The following LUZP2 variants were observed in gnomAD, a reference collection of about 807,000 sequenced individuals.
LUZP2 encodes leucine zipper protein 2.
In LUZP2, 52 loss-of-function variants were observed where a neutral mutation model predicts 51.6. The ratio of observed to expected loss-of-function variants is 1.01; its 90% CI spans 0.81 to 1.27. The LOEUF is 1.27. Among genes scored for constraint, LUZP2 ranks in the 50% most tolerant of loss-of-function variants. The pLI, the probability that LUZP2 is intolerant of heterozygous loss-of-function variation, is 0.00. For synonymous variants in LUZP2, 154 were observed against 137.3 expected (o/e 1.12, Z -0.85); for missense variants, 436 against 395.4 (o/e 1.10, Z -0.87).
Position 24,859,278 on chromosome 11 carries a change from T to C in LUZP2, c.397-46713T>C, listed in dbSNP as rs142806047. Among the ~76,000 whole-genome samples the C allele has an allele frequency of 2.7e-3, 409 of 152,266 alleles. 5 individuals are homozygous for C. The highest frequency in any genetic ancestry group is 0.019 in the East Asian group (97 of 5,168). ...AAAATAATATTGAAAGAGTAAGAAATTGAGCTTTTCCCGACTTATTGTAGT... is the reference window on the plus strand; with the variant it reads ...AAAATAATATTGAAAGAGTAAGAAACTGAGCTTTTCCCGACTTATTGTAGT... On this transcript the variant is annotated intron_variant, in intron 5 of 11. Transcript: ENST00000336930.
At chr11:24,800,370 C>T (rs1365513693) in intron 5 of LUZP2, among the ~76,000 whole-genome samples, 1 of 151,998 alleles carries the variant, frequency 6.6e-6, no homozygotes. Context: ...GCTTAGCATT[C>T]ACTTGCAACT....
intron 1 of LUZP2, among the ~76,000 whole-genome samples, chr11:24,710,968 G>A (rs1318088914): frequency 1.3e-5 from 2 of 149,376 alleles, no homozygotes; most frequent in African/African-American, 2.5e-5. Flanking sequence ...AGGGAGGGGA[G>A]GGGAGGAAAG....
chr11:24,552,950 T>C (rs970137322), intron 1 of LUZP2, among the ~76,000 whole-genome samples: 3 of 150,974 alleles, frequency 2.0e-5, no homozygotes, highest in African/African-American at 4.8e-5. Flanking sequence ...TGAAGGAAAA[T>C]ATTTTAAATT....
chr11:24,932,728 C>T (rs1490664085), intron 7 of LUZP2, among the ~76,000 whole-genome samples: 1 of 152,158 alleles, frequency 6.6e-6, no homozygotes, highest in Non-Finnish European at 1.5e-5. Context: ...TACTGGCCTC[C>T]CCACTGAAAA....
intron 1 of LUZP2, among the ~76,000 whole-genome samples, chr11:24,534,036 C>T (rs1405741022): frequency 6.6e-6 from 1 of 151,126 alleles, no homozygotes; most frequent in Non-Finnish European, 1.5e-5. Context: ...TTCTCTAAGT[C>T]TAAATAAATA....
chr11:24,580,379 C>T (rs998092728), intron 1 of LUZP2, among the ~76,000 whole-genome samples: 3 of 152,000 alleles, frequency 2.0e-5, no homozygotes, highest in Non-Finnish European at 4.4e-5. Flanking sequence ...TGAAAAGGTT[C>T]CTTTTCCTTC....
rs188670776 is a variant in LUZP2 at position 25,037,090 on chromosome 11, T to C, written c.766-12948T>C. 4.9e-3 allele frequency among the ~76,000 whole-genome samples: 745 copies of C among 152,294 alleles called. 9 individuals carry two copies. Among genetic ancestry groups the C allele is most frequent in the Non-Finnish European group, 4.5e-3 (304 of 68,022 alleles). On this transcript the variant is annotated intron_variant, in intron 9 of 11. Transcript: ENST00000336930. ...TCATGATTGTTGTGTTTTGTCTACATCTTTTTTTAGGCCAAGAAGTATTTC... is the reference window on the plus strand; with the variant it reads ...TCATGATTGTTGTGTTTTGTCTACACCTTTTTTTAGGCCAAGAAGTATTTC...
At chr11:24,608,163 T>C (rs1565025864) in intron 1 of LUZP2, among the ~76,000 whole-genome samples, 1 of 152,116 alleles carries the variant, frequency 6.6e-6, no homozygotes, top group African/African-American at 2.4e-5. Flanking sequence ...TTTTATTTAA[T>C]AGAGGTATTA....
intron 5 of LUZP2, among the ~76,000 whole-genome samples, chr11:24,875,209 G>A (rs1347368736): frequency 2.0e-5 from 3 of 149,052 alleles, no homozygotes; most frequent in African/African-American, 5.0e-5. Flanking sequence ...CCATTAACTC[G>A]TCATTTAGCA....
intron 4 of LUZP2, among the ~76,000 whole-genome samples, chr11:24,748,524 A>G (rs547057947): frequency 6.6e-6 from 1 of 150,796 alleles, no homozygotes; most frequent in Admixed American, 6.6e-5. Flanking sequence ...CAGTGGCACG[A>G]TCTCAGCTCC....
At chr11:25,002,900 A>G (rs11512142) in intron 9 of LUZP2, among the ~76,000 whole-genome samples, 60,870 of 151,918 alleles carry the variant, frequency 0.4, 14,482 homozygotes, top group East Asian at 0.78. Flanking sequence ...AGTATACAGG[A>G]GCCTGGCTAC....
At chr11:24,931,278 CTTTT>C (rs1436286604) in intron 7 of LUZP2, among the ~76,000 whole-genome samples, 2 of 149,170 alleles carry the variant, frequency 1.3e-5, no homozygotes, top group Admixed American at 1.3e-4. Flanking sequence ...ATAAAAAGTT[CTTTT>C]TTATTTATCT....
chr11:24,684,807 A>T lies in LUZP2; in HGVS notation c.63-44362A>T, dbSNP rs1590345120. ...TTCCTGTCTCACTTCCCAGCTCCCC[A>T]ACTAGGAATTTATGGGATCACCACT... On this transcript the variant is annotated intron_variant, in intron 1 of 11. Coordinates refer to ENST00000336930, the MANE Select transcript of LUZP2 (RefSeq NM_001009909.4). Among the ~76,000 whole-genome samples, 7 of 152,226 alleles carry T rather than the reference A, an allele frequency of 4.6e-5. No individual in the cohort carries two copies. In the East Asian group the frequency reaches 1.4e-3, roughly 29 times the overall value.
At chr11:25,018,460 G>T (rs1857229226) in intron 9 of LUZP2, among the ~76,000 whole-genome samples, 1 of 151,932 alleles carries the variant, frequency 6.6e-6, no homozygotes, top group Admixed American at 6.6e-5. Flanking sequence ...CTCTCATAAG[G>T]AATATTTATC....
intron 1 of LUZP2, among the ~76,000 whole-genome samples, chr11:24,710,824 T>C (rs6484070): frequency 0.69 from 105,050 of 151,808 alleles, 37,136 homozygotes; most frequent in East Asian, 0.97. Context: ...TGAAGTCAGG[T>C]ACAATGTTTT....
intron 7 of LUZP2, among the ~76,000 whole-genome samples, chr11:24,974,016 T>A (rs1263223264): frequency 6.6e-6 from 1 of 152,166 alleles, no homozygotes; most frequent in Non-Finnish European, 1.5e-5. Context: ...GTGATGTGTC[T>A]AATATTGTCA....
chr11:24,905,961 T>C, intron 5 of LUZP2, 30 bp from the exon 6 acceptor site: 3 of 1,514,850 alleles, frequency 2.0e-6, no homozygotes, highest in Non-Finnish European at 2.8e-6. Context: ...TTGTCTCTTC[T>C]TTGCAATAAA....
intron 8 of LUZP2, among the ~76,000 whole-genome samples, chr11:24,977,171 A>G (rs1855902945): frequency 6.6e-6 from 1 of 151,722 alleles, no homozygotes; most frequent in Non-Finnish European, 1.5e-5. Flanking sequence ...TTAACTGTTT[A>G]CTGTAAGATA....
chr11:24,968,548 C>T (rs937629738), intron 7 of LUZP2, among the ~76,000 whole-genome samples: 1 of 152,080 alleles, frequency 6.6e-6, no homozygotes, highest in African/African-American at 2.4e-5. Context: ...GAGTTTTTCT[C>T]TTCTCCTCTC....
Sources: allele counts gnomAD v4.1 joint callset (sites outside exome capture counted in the v4.1 genomes callset), GRCh38; gene constraint gnomAD v4.1.1; transcripts MANE v1.5; gene names NCBI Gene and HGNC (gene_info 2026-07-23, HGNC 2026-07-21).